Variants in FBXW4 observed in about 807,000 individuals in gnomAD.
FBXW4 encodes F-box/WD repeat-containing protein 4.
In FBXW4, 40 loss-of-function variants were observed where a neutral mutation model predicts 61.8. The observed-to-expected ratio is 0.65, with a 90% CI of 0.50 to 0.84. FBXW4 has a LOEUF of 0.84. FBXW4 is among the 40% of genes least tolerant of loss of function. The probability of loss-of-function intolerance (pLI) is 0.00; values close to 1 mark genes in which losing one functional copy is unlikely to be tolerated. For synonymous variants in FBXW4, 311 were observed against 313.8 expected (o/e 0.99, Z 0.10); for missense variants, 672 against 753.8 (o/e 0.89, Z 1.27).
At position 101,683,121 on chromosome 10, in the gene FBXW4, A is replaced by G. The variant is rs559747523; in HGVS notation, c.726-6685T>C. Reference sequence around the variant, plus strand: ...GGGGTCAGGAGAACAAGGCAGCAGAAGAAAAGTACCTGAGAAGACAGGAGC... The same window carrying G: ...GGGGTCAGGAGAACAAGGCAGCAGAGGAAAAGTACCTGAGAAGACAGGAGC... On this transcript the variant is annotated intron_variant, in intron 1 of 8. Transcript: ENST00000331272. Among the ~76,000 whole-genome samples, 11 of 152,354 alleles carry G rather than the reference A, an allele frequency of 7.2e-5. No individual in the cohort carries two copies. In the South Asian group the frequency reaches 2.3e-3, roughly 32 times the overall value.
rs776329149 is a variant in FBXW4, at chr10:101,694,655, C to G, written c.451G>C (p.Gly151Arg). 1 of 1,412,034 alleles carries G rather than the reference C, an allele frequency of 7.1e-7. No individual in the cohort carries two copies. Among genetic ancestry groups the G allele is most frequent in the African/African-American group, 1.5e-5 (1 of 66,130 alleles). 87.5% of individuals were successfully genotyped at this position (1,412,034 alleles called of 1,614,324 possible). A position where few individuals can be genotyped will look rare whatever the true frequency, so the allele number is the denominator to read the frequency against. ...RGGQAWADIA[G>R]TGVAMAAAAG... ...GCCGCCGCCATGGCCACCCCTGTCC[C>G]CGCGATGTCGGCCCAAGCCTGACCC... Residue 151 changes from glycine to arginine, a missense_variant, in exon 1 of 9, where the codon GGG (glycine) becomes CGG (arginine). Transcript: ENST00000331272. This position sits in a 1 kb window ranked among gnomAD's most constrained non-coding sequence, Gnocchi z 6.0.
intron 1 of FBXW4, among the ~76,000 whole-genome samples, chr10:101,677,116 G>A (rs1406781782): frequency 1.3e-5 from 2 of 152,114 alleles, no homozygotes; most frequent in Non-Finnish European, 2.9e-5. Context: ...AAGCAAAATG[G>A]TACAGCCATT....
intron 6 of FBXW4, among the ~76,000 whole-genome samples, chr10:101,619,230 G>C (rs1033900657): frequency 6.6e-6 from 1 of 152,200 alleles, no homozygotes; most frequent in Non-Finnish European, 1.5e-5. Flanking sequence ...GTTAGGGAAT[G>C]GGCTTGAAGA....
At chr10:101,680,246 C>A (rs1435485762) in intron 1 of FBXW4, among the ~76,000 whole-genome samples, 1 of 151,864 alleles carries the variant, frequency 6.6e-6, no homozygotes, top group Admixed American at 6.6e-5. Context: ...TAGAAGAAAA[C>A]AAAATATATA....
In FBXW4 at chr10:101,617,539, C is replaced by G. The variant is rs532693425; in HGVS notation, c.1302-5062G>C. Among the ~76,000 whole-genome samples, 6 of 152,292 alleles carry G rather than the reference C, an allele frequency of 3.9e-5. No homozygotes were observed. In the East Asian group the frequency reaches 1.2e-3, roughly 29 times the overall value. On this transcript the variant is annotated intron_variant, in intron 6 of 8. Transcript: ENST00000331272. Reference sequence around the variant, plus strand: ...AGCCCCATCAGGTGAGAAGGAAGGGCCTTCTCAAGCATACAGCCTCTCACA... The same window carrying G: ...AGCCCCATCAGGTGAGAAGGAAGGGGCTTCTCAAGCATACAGCCTCTCACA...
chr10:101,687,847 C>T (rs1484478189), intron 1 of FBXW4, among the ~76,000 whole-genome samples: 1 of 152,186 alleles, frequency 6.6e-6, no homozygotes, highest in African/African-American at 2.4e-5. Flanking sequence ...AACACCCCAT[C>T]ACCAGGCAAC....
chr10:101,617,533 GA>G (rs2063834969), intron 6 of FBXW4, among the ~76,000 whole-genome samples: 1 of 152,206 alleles, frequency 6.6e-6, no homozygotes, highest in African/African-American at 2.4e-5. Context: ...AGGTGAGAAG[GA>G]AGGGCCTTCT....
rs562226127 is a variant in FBXW4 at position 101,610,976 on chromosome 10, T to TAATA, written c.*311_*314dup. 1.4e-4 allele frequency: 27 copies of TAATA among 193,742 alleles called. No individual in the cohort carries two copies. The East Asian group carries it at 3.3e-3, about 24-fold the overall frequency. The allele number at this position is 193,742 out of a possible 1,614,324, so 12.0% of individuals were successfully genotyped here. On this transcript the variant is annotated 3_prime_UTR_variant, in exon 9 of 9. Transcript: ENST00000331272. ...CTCACTCTGTAGGCTGTCATGGCTC[T>TAATA]AATAAGGGGTATAGGATGGGCCTCT...
At chr10:101,658,281 G>C (rs115414728) in intron 5 of FBXW4, among the ~76,000 whole-genome samples, 13,513 of 152,174 alleles carry the variant, frequency 0.089, 698 homozygotes, top group African/African-American at 0.14. Flanking sequence ...GCATGGTGGC[G>C]CACATCTATA....
intron 5 of FBXW4, chr10:101,659,538 G>T: frequency 2.2e-6 from 1 of 458,214 alleles, no homozygotes; most frequent in Non-Finnish European, 2.9e-6. Context: ...GCAATGAGAT[G>T]CTTCATGTGT....
intron 5 of FBXW4, among the ~76,000 whole-genome samples, chr10:101,628,418 C>G (rs1249772848): frequency 6.6e-6 from 1 of 152,148 alleles, no homozygotes; most frequent in Non-Finnish European, 1.5e-5. Context: ...GTTTATCTTC[C>G]CATCTCCCCT....
chr10:101,629,429 G>A (rs139445072), intron 5 of FBXW4, among the ~76,000 whole-genome samples: 11 of 152,128 alleles, frequency 7.2e-5, no homozygotes, highest in Admixed American at 2.6e-4. Context: ...GTTAACAGGT[G>A]CGCACCACCA....
chr10:101,616,812 G>C (rs996821451), intron 6 of FBXW4, among the ~76,000 whole-genome samples: 2 of 152,232 alleles, frequency 1.3e-5, no homozygotes, highest in Non-Finnish European at 2.9e-5. Flanking sequence ...ACAGCCATGA[G>C]GCTTTTGAAC....
intron 1 of FBXW4, among the ~76,000 whole-genome samples, chr10:101,680,908 C>T (rs2064467491): frequency 6.6e-6 from 1 of 151,962 alleles, no homozygotes; most frequent in Non-Finnish European, 1.5e-5. Context: ...GGAAATAGCC[C>T]GAAGGTCTGT....
chr10:101,644,305 G>T (rs978280611), intron 5 of FBXW4, among the ~76,000 whole-genome samples: 1 of 152,028 alleles, frequency 6.6e-6, no homozygotes, highest in African/African-American at 2.4e-5. Context: ...GGGGCAGCTG[G>T]GACTGGGGCC....
chr10:101,623,099 T>C (rs781687538), intron 6 of FBXW4: 19 of 152,158 alleles, frequency 1.2e-4, no homozygotes, highest in Non-Finnish European at 2.8e-4. Context: ...AATTAAAACA[T>C]GATGAAATAT....
intron 2 of FBXW4, 41 bp downstream of exon 2, chr10:101,676,300 T>A: frequency 6.4e-7 from 1 of 1,562,734 alleles, no homozygotes; most frequent in South Asian, 1.1e-5. Context: ...ATTATGCTTT[T>A]ATGTCCCAAG....
chr10:101,633,036 T>TG (rs1261478815), intron 5 of FBXW4, among the ~76,000 whole-genome samples: 4 of 152,362 alleles, frequency 2.6e-5, no homozygotes, highest in Admixed American at 2.6e-4. Flanking sequence ...TGTGGACCCC[T>TG]GGCTCTGCCA....
chr10:101,661,456 T>C (rs963348918), intron 5 of FBXW4, among the ~76,000 whole-genome samples: 1 of 152,168 alleles, frequency 6.6e-6, no homozygotes, highest in African/African-American at 2.4e-5. Flanking sequence ...AACTCCAGGG[T>C]GGAGGGCACT....
Sources: allele counts gnomAD v4.1 joint callset (sites outside exome capture counted in the v4.1 genomes callset), GRCh38; gene constraint gnomAD v4.1.1; non-coding constraint Gnocchi (gnomAD v3.1); transcripts MANE v1.5; gene names NCBI Gene and HGNC (gene_info 2026-07-23, HGNC 2026-07-21).